DPP10: variants seen among roughly 807,000 people sequenced by gnomAD.
DPP10 encodes the protein dipeptidyl peptidase like 10.
Under a neutral mutation model 120.9 loss-of-function variants are expected in DPP10, and 33 were observed. The observed-to-expected ratio is 0.27, with a 90% CI of 0.21 to 0.37. The LOEUF is 0.37. DPP10 is among the 10% of genes least tolerant of loss of function. DPP10 has a pLI of 1.00. For synonymous variants in DPP10, 337 were observed against 326.1 expected, an observed-to-expected ratio of 1.03 and a Z score of -0.36; for missense variants, 816 against 942.8, an observed-to-expected ratio of 0.87 and a Z score of 1.76.
chr2:114,753,185 G>C (rs1324150274), intron 1 of DPP10, among the ~76,000 whole-genome samples: 6 of 152,218 alleles, frequency 3.9e-5, no homozygotes, highest in Non-Finnish European at 8.8e-5. Context: ...AGAAAGATCA[G>C]GTAGGATGAG....
chr2:114,567,592 A>G (rs985482942), intron 1 of DPP10, among the ~76,000 whole-genome samples: 8 of 152,186 alleles, frequency 5.3e-5, no homozygotes, highest in African/African-American at 1.9e-4. Flanking sequence ...CTGTGACATA[A>G]TAAAATTACA....
At chr2:115,719,746 T>C (rs1038172557) in intron 7 of DPP10, among the ~76,000 whole-genome samples, 2 of 152,172 alleles carry the variant, frequency 1.3e-5, no homozygotes, top group Non-Finnish European at 2.9e-5. Context: ...TGATATATAT[T>C]CTATATAACA....
intron 1 of DPP10, among the ~76,000 whole-genome samples, chr2:114,503,943 G>A (rs28597976): frequency 0.019 from 2,957 of 152,252 alleles, 97 homozygotes; most frequent in African/African-American, 0.067. Context: ...GCCTATGTGG[G>A]GGAAAGAATC....
chr2:115,595,455 A>G (rs946354013), intron 5 of DPP10, among the ~76,000 whole-genome samples: 1 of 152,146 alleles, frequency 6.6e-6, no homozygotes, highest in Non-Finnish European at 1.5e-5. Flanking sequence ...AGACCCTTTT[A>G]TAAACCTTAA....
chr2:115,818,834 G>C (rs1320433871), intron 21 of DPP10, among the ~76,000 whole-genome samples: 2 of 152,120 alleles, frequency 1.3e-5, no homozygotes, highest in Non-Finnish European at 1.5e-5. Flanking sequence ...ATGTGCCTCA[G>C]AGCAAATGAC....
chr2:115,330,707 C>T (rs1410309581), intron 2 of DPP10, among the ~76,000 whole-genome samples: 2 of 151,960 alleles, frequency 1.3e-5, no homozygotes, highest in Admixed American at 6.6e-5. Flanking sequence ...TTCCCCATTG[C>T]TTGTTTTTCT....
chr2:115,402,021 G>C (rs2068108251), intron 3 of DPP10, among the ~76,000 whole-genome samples: 1 of 152,132 alleles, frequency 6.6e-6, no homozygotes, highest in African/African-American at 2.4e-5. Context: ...AGCAACACAG[G>C]AAGTATACCA....
At chr2:114,943,867 T>C (rs1697156249) in intron 1 of DPP10, among the ~76,000 whole-genome samples, 1 of 152,226 alleles carries the variant, frequency 6.6e-6, no homozygotes, top group Admixed American at 6.5e-5. Context: ...GAGACTATAA[T>C]ATATGAACAA....
chr2:115,519,987 G>C (rs1411795520), intron 4 of DPP10, among the ~76,000 whole-genome samples: 3 of 152,282 alleles, frequency 2.0e-5, no homozygotes, highest in East Asian at 1.9e-4. Flanking sequence ...CTAATAATGA[G>C]ATTGAGTAGT....
chr2:115,661,308 T>C (rs1178674315), intron 5 of DPP10, among the ~76,000 whole-genome samples: 2 of 152,166 alleles, frequency 1.3e-5, no homozygotes, highest in Non-Finnish European at 2.9e-5. Flanking sequence ...CATCTTTGAC[T>C]AGCCTTTCTA....
chr2:115,196,882 G>C (rs1191366444), intron 1 of DPP10, among the ~76,000 whole-genome samples: 1 of 152,200 alleles, frequency 6.6e-6, no homozygotes, highest in African/African-American at 2.4e-5. Context: ...CTGAGCATAA[G>C]TTTGAATATA....
intron 1 of DPP10, among the ~76,000 whole-genome samples, chr2:114,902,341 C>G (rs1413890668): frequency 6.6e-6 from 1 of 152,096 alleles, no homozygotes; most frequent in Non-Finnish European, 1.5e-5. Context: ...TGTCTCTTTG[C>G]TACTGTGCTT....
intron 3 of DPP10, 129 bp downstream of exon 3, chr2:115,344,041 C>A (rs1338016600): frequency 2.2e-5 from 12 of 556,550 alleles, no homozygotes; most frequent in Non-Finnish European, 2.9e-5. Context: ...GAGGCCAAGG[C>A]AGGAGAATCG....
At chr2:115,812,472 C>T (rs62156340) in intron 19 of DPP10, among the ~76,000 whole-genome samples, 1 of 152,172 alleles carries the variant, frequency 6.6e-6, no homozygotes, top group Middle Eastern at 3.4e-3. Context: ...AACAAACAAA[C>T]AAACAAACAA....
chr2:114,662,372 A>G (rs1697486560), intron 1 of DPP10, among the ~76,000 whole-genome samples: 1 of 152,180 alleles, frequency 6.6e-6, no homozygotes, highest in Admixed American at 6.5e-5. Context: ...GGAGCTGCAG[A>G]GAAGCTTCCA....
chr2:114,527,646 T>C (rs986583296), intron 1 of DPP10, among the ~76,000 whole-genome samples: 2 of 152,162 alleles, frequency 1.3e-5, no homozygotes, highest in Non-Finnish European at 2.9e-5. Flanking sequence ...TTACAAAGTA[T>C]AGTTATGCAC....
chr2:114,670,437 AC>A lies in DPP10; in HGVS notation c.60+227601del, dbSNP rs985784836. 1.4e-4 allele frequency among the ~76,000 whole-genome samples: 21 copies of A among 152,088 alleles called. No individual in the cohort carries two copies. In the Middle Eastern group the frequency reaches 0.014, roughly 99 times the overall value. On this transcript the variant is annotated intron_variant, in intron 1 of 25. Coordinates refer to ENST00000410059, the MANE Select transcript of DPP10 (RefSeq NM_020868.6). ...CAGTAAACTATCGCAAGGACAAAAA[AC>A]CAAACACCGCATGTTCTCACTCATA...
chr2:115,646,514 T>G (rs927980609), intron 5 of DPP10, among the ~76,000 whole-genome samples: 20 of 152,206 alleles, frequency 1.3e-4, no homozygotes, highest in Non-Finnish European at 2.9e-5. Context: ...GTCTGTACAT[T>G]GGCTGTGACA....
chr2:114,769,228 T>C (rs1681025808), intron 1 of DPP10, among the ~76,000 whole-genome samples: 1 of 152,142 alleles, frequency 6.6e-6, no homozygotes, highest in Non-Finnish European at 1.5e-5. Context: ...CTTGGATTAG[T>C]GGCTGTTTTG....
Sources: allele counts gnomAD v4.1 joint callset (sites outside exome capture counted in the v4.1 genomes callset), GRCh38; gene constraint gnomAD v4.1.1; transcripts MANE v1.5; gene names NCBI Gene and HGNC (gene_info 2026-07-23, HGNC 2026-07-21).